MTHFS: variants seen among roughly 807,000 people sequenced by gnomAD.
MTHFS encodes methenyltetrahydrofolate synthetase.
A neutral mutation model predicts 12.7 loss-of-function variants in MTHFS; 7 were observed. That is an observed-to-expected ratio of 0.55 (90% CI 0.31 to 1.03). The LOEUF is 1.03. MTHFS is among the 50% of genes least tolerant of loss of function. MTHFS has a pLI of 0.05. For missense variants in MTHFS, 252 were observed against 258.1 expected, an observed-to-expected ratio of 0.98 and a Z score of 0.16; for synonymous variants, 100 against 97.1, an observed-to-expected ratio of 1.03 and a Z score of -0.18.
intron 2 of MTHFS, among the ~76,000 whole-genome samples, chr15:79,878,545 G>A (rs367560741): frequency 1.3e-5 from 2 of 149,002 alleles, no homozygotes; most frequent in South Asian, 2.2e-4. Context: ...CTTATTCCAT[G>A]GCCTTCACTA....
rs75139595 is a variant in MTHFS at position 79,875,644 on chromosome 15, A to T, written c.379+13449T>A. Among the ~76,000 whole-genome samples, 1,267 of 152,270 alleles carry T rather than the reference A, an allele frequency of 8.3e-3. 8 individuals carry two copies. Among genetic ancestry groups the T allele is most frequent in the Non-Finnish European group, 0.016 (1,063 of 68,018 alleles). On this transcript the variant is annotated intron_variant, in intron 2 of 2. Coordinates refer to ENST00000258874, the MANE Select transcript of MTHFS (RefSeq NM_006441.4). Reference sequence around the variant, plus strand: ...ACTCTTAGAAAAAAACGGAGGCATAAATCTTCATGACCTTGGATTAGGCAA... The same window carrying T: ...ACTCTTAGAAAAAAACGGAGGCATATATCTTCATGACCTTGGATTAGGCAA...
rs71150999 is a variant in MTHFS, at chr15:79,890,207, C to CTTTTT, written c.118-858_118-854dup. Among the ~76,000 whole-genome samples the CTTTTT allele has an allele frequency of 2.3e-4, 23 of 100,736 alleles. 1 individual carries two copies. Among genetic ancestry groups the CTTTTT allele is most frequent in the Admixed American group, 6.1e-4 (5 of 8,250 alleles). The allele number at this position is 100,736 out of a possible 152,430, so 66.1% of individuals were successfully genotyped here. A position where few individuals can be genotyped will look rare whatever the true frequency, so the allele number is the denominator to read the frequency against. ...AGTTAGCCCTTCGCTCTCTTTTTTC[C>CTTTTT]TTTTTTTTTTTTTTTTTTTTTTTTT... On this transcript the variant is annotated intron_variant, in intron 1 of 2. Coordinates refer to ENST00000258874, the MANE Select transcript of MTHFS (RefSeq NM_006441.4).
At chr15:79,876,063 G>C (rs1221382678) in intron 2 of MTHFS, 1 of 152,026 alleles carries the variant, frequency 6.6e-6, no homozygotes, top group African/African-American at 2.4e-5. Flanking sequence ...CTAAGAGCAA[G>C]CTAGTTACCA....
rs1364564710 is a variant in MTHFS at position 79,845,108 on chromosome 15, C to T, written c.*102G>A. The T allele has an allele frequency of 6.9e-7, 1 of 1,447,046 alleles. No individual in the cohort carries two copies. The highest frequency in any genetic ancestry group is 2.1e-5 in the Admixed American group (1 of 47,256). The allele number at this position is 1,447,046 out of a possible 1,614,324, so 89.6% of individuals were successfully genotyped here. A position where few individuals can be genotyped will look rare whatever the true frequency, so the allele number is the denominator to read the frequency against. Reference sequence around the variant, plus strand: ...AATTTTAAAATGCAGTCTGTATTCACATTAATGAACAATTTCAACTAATTT... The same window carrying T: ...AATTTTAAAATGCAGTCTGTATTCATATTAATGAACAATTTCAACTAATTT... On this transcript the variant is annotated 3_prime_UTR_variant, in exon 3 of 3. Coordinates refer to ENST00000258874, the MANE Select transcript of MTHFS (RefSeq NM_006441.4).
intron 2 of MTHFS, among the ~76,000 whole-genome samples, chr15:79,874,104 C>T (rs1000012239): frequency 2.6e-5 from 4 of 152,196 alleles, no homozygotes; most frequent in Non-Finnish European, 5.9e-5. Context: ...TGTTTGAAAA[C>T]AACTACTATC....
Position 79,889,474 on chromosome 15 carries a change from A to AG in MTHFS, c.118-121dup, listed in dbSNP as rs869062872. On this transcript the variant is annotated intron_variant, in intron 1 of 2. Transcript: ENST00000258874. ...CTTTAAATATTAAAAAGAAAAAAAA[A>AG]GGGGGGGGGACCAGAGTGATATAGT... is the stretch of plus-strand genomic sequence containing the variant. 855 of 1,226,900 alleles carry AG rather than the reference A, an allele frequency of 7.0e-4. 2 individuals carry two copies. Among genetic ancestry groups the AG allele is most frequent in the African/African-American group, 2.4e-3 (146 of 60,424 alleles). The allele number at this position is 1,226,900 out of a possible 1,614,324, so 76.0% of individuals were successfully genotyped here. A position where few individuals can be genotyped will look rare whatever the true frequency, so the allele number is the denominator to read the frequency against.
At chr15:79,866,223 T>A (rs769097406) in intron 2 of MTHFS, among the ~76,000 whole-genome samples, 1 of 152,204 alleles carries the variant, frequency 6.6e-6, no homozygotes, top group African/African-American at 2.4e-5. Context: ...GACCTGATCA[T>A]GGGTCCAGAA....
At chr15:79,887,565 A>G (rs942418916) in intron 2 of MTHFS, among the ~76,000 whole-genome samples, 1 of 152,218 alleles carries the variant, frequency 6.6e-6, no homozygotes, top group Non-Finnish European at 1.5e-5. Flanking sequence ...AACAGAGTCA[A>G]CTGGAATTGG....
At chr15:79,882,508 ACAG>A (rs1566996585) in intron 2 of MTHFS, among the ~76,000 whole-genome samples, 1 of 152,326 alleles carries the variant, frequency 6.6e-6, no homozygotes, top group East Asian at 1.9e-4. Context: ...ACTTAGCCTT[ACAG>A]AAGAACACAG....
chr15:79,872,924 C>T (rs2034131655), intron 2 of MTHFS, among the ~76,000 whole-genome samples: 1 of 152,166 alleles, frequency 6.6e-6, no homozygotes, highest in African/African-American at 2.4e-5. Context: ...GAAAGGATGC[C>T]TTTTCACCAT....
At chr15:79,852,474 AT>A (rs749881946) in intron 2 of MTHFS, among the ~76,000 whole-genome samples, 262 of 152,358 alleles carry the variant, frequency 1.7e-3, no homozygotes, top group Non-Finnish European at 3.1e-3. Flanking sequence ...TAAAAATTAC[AT>A]TGTAAACATA....
rs2033569652 is a variant in MTHFS, at chr15:79,844,249, C to T, written c.*961G>A. 1 of 152,100 alleles carries T rather than the reference C, an allele frequency of 6.6e-6. No homozygotes were observed. Among genetic ancestry groups the T allele is most frequent in the African/African-American group, 2.4e-5 (1 of 41,398 alleles). The allele number at this position is 152,100 out of a possible 1,614,324, so 9.4% of individuals were successfully genotyped here. ...AAACTGGAAGAGGCAAGATGGAAGC[C>T]AAGGGAAGCAGGTGTGACACTCTCG... On this transcript the variant is annotated 3_prime_UTR_variant, in exon 3 of 3. Coordinates refer to ENST00000258874, the MANE Select transcript of MTHFS (RefSeq NM_006441.4).
At chr15:79,845,989 G>A (rs990944050) in intron 2 of MTHFS, among the ~76,000 whole-genome samples, 2 of 152,152 alleles carry the variant, frequency 1.3e-5, no homozygotes, top group Non-Finnish European at 2.9e-5. Context: ...CCCCAGACTC[G>A]TGTGAGAGCA....
chr15:79,893,362 A>G (rs1256710634), intron 1 of MTHFS, among the ~76,000 whole-genome samples: 2 of 151,838 alleles, frequency 1.3e-5, no homozygotes, highest in Non-Finnish European at 2.9e-5. Flanking sequence ...AGATTGCGCC[A>G]CTGCACTCCA....
At chr15:79,893,603 C>T (rs1489159838) in intron 1 of MTHFS, among the ~76,000 whole-genome samples, 1 of 148,076 alleles carries the variant, frequency 6.8e-6, no homozygotes, top group African/African-American at 2.5e-5. Context: ...GAAGCTGAGA[C>T]AGGAGAATGG....
intron 2 of MTHFS, among the ~76,000 whole-genome samples, chr15:79,857,884 C>G (rs1466496965): frequency 6.6e-6 from 1 of 151,944 alleles, no homozygotes; most frequent in East Asian, 1.9e-4. Context: ...GGCATGGTGG[C>G]GCGTGCCTGT....
intron 1 of MTHFS, 134 bp downstream of exon 1, chr15:79,896,715 GGCGTGCGCGCGCCGGGAGGGGAA>G: frequency 1.6e-6 from 2 of 1,279,944 alleles, no homozygotes; most frequent in South Asian, 1.6e-5. Context: ...ACGACTAGGG[GGCGTGCGCGCGCCGGGAGGGGAA>G]ACGTGCGCGC....
At position 79,845,018 on chromosome 15, in the gene MTHFS, T is replaced by C; in HGVS notation, c.*192A>G. On this transcript the variant is annotated 3_prime_UTR_variant, in exon 3 of 3. Transcript: ENST00000258874. ...GGCTGATAGCCTCCATTTTAATTAA[T>C]ATTCTACTATTCACACTTCTATTGG... The C allele has an allele frequency of 1.3e-6, 1 of 755,684 alleles. No individual in the cohort carries two copies. The highest frequency in any genetic ancestry group is 2.0e-6 in the Non-Finnish European group (1 of 489,116). 46.8% of individuals were successfully genotyped at this position (755,684 alleles called of 1,614,324 possible).
At chr15:79,872,487 C>T (rs12900704) in intron 2 of MTHFS, among the ~76,000 whole-genome samples, 15,818 of 152,252 alleles carry the variant, frequency 0.1, 1,067 homozygotes, top group South Asian at 0.2. Context: ...GAGCCTTTGA[C>T]TGAACAGTAC....
Sources: allele counts gnomAD v4.1 joint callset (sites outside exome capture counted in the v4.1 genomes callset), GRCh38; gene constraint gnomAD v4.1.1; transcripts MANE v1.5; gene names NCBI Gene and HGNC (gene_info 2026-07-23, HGNC 2026-07-21).